MOXD1: variants seen among roughly 807,000 people sequenced by gnomAD.
MOXD1 encodes monooxygenase DBH like 1.
In MOXD1, 62 loss-of-function variants were observed where a neutral mutation model predicts 66.6. The observed-to-expected ratio is 0.93, with a 90% CI of 0.76 to 1.15. The LOEUF is 1.15. Ranked by LOEUF, MOXD1 falls within the 50% of genes most tolerant of loss-of-function variation. The pLI, the probability that MOXD1 is intolerant of heterozygous loss-of-function variation, is 0.00. For missense variants in MOXD1, 847 were observed against 754.6 expected (o/e 1.12, Z -1.44); for synonymous variants, 303 against 281.9 (o/e 1.07, Z -0.75).
At chr6:132,400,669 T>C (rs966823935) in intron 1 of MOXD1, among the ~76,000 whole-genome samples, 1 of 152,082 alleles carries the variant, frequency 6.6e-6, no homozygotes, top group Non-Finnish European at 1.5e-5. Flanking sequence ...GAGAATGGTG[T>C]AGCTGACATC....
chr6:132,327,020 G>T lies in MOXD1; in HGVS notation c.946+993C>A, dbSNP rs573419351. 5.3e-5 allele frequency among the ~76,000 whole-genome samples: 8 copies of T among 152,198 alleles called. No individual in the cohort carries two copies. The South Asian group carries it at 1.5e-3, about 28-fold the overall frequency. On this transcript the variant is annotated intron_variant, in intron 6 of 11. Transcript: ENST00000367963. ...TCTTCAGGGTAAAAATCCTTAATGG[G>T]TCCTACAAGATCTTAGATGGTCTGC... is the stretch of plus-strand genomic sequence containing the variant.
At chr6:132,321,450 A>G (rs1582569106) in intron 8 of MOXD1, among the ~76,000 whole-genome samples, 1 of 152,154 alleles carries the variant, frequency 6.6e-6, no homozygotes, top group African/African-American at 2.4e-5. Context: ...CTTACAATAG[A>G]ATCGTGAGGC....
chr6:132,305,393 G>T (rs1047740541), intron 10 of MOXD1, among the ~76,000 whole-genome samples: 2 of 152,232 alleles, frequency 1.3e-5, no homozygotes, highest in Non-Finnish European at 1.5e-5. Flanking sequence ...TAAGGGGAGG[G>T]GTGGCTGCAG....
rs117307197 is a variant in MOXD1 at position 132,393,563 on chromosome 6, C to T, written c.264+7600G>A. On this transcript the variant is annotated intron_variant, in intron 1 of 11. Coordinates refer to ENST00000367963, the MANE Select transcript of MOXD1 (RefSeq NM_015529.4). ...TCTACAATGCTAGCCATAGGAGAGC[C>T]CCTGGACTCTCATGGGCCCTGAGAC... Among the ~76,000 whole-genome samples, 67 of 152,226 alleles carry T rather than the reference C, an allele frequency of 4.4e-4. No homozygotes were observed. In the East Asian group the frequency reaches 0.012, roughly 28 times the overall value.
intron 6 of MOXD1, chr6:132,324,954 AAC>A (rs34463342): frequency 0.032 from 4,391 of 139,002 alleles, 142 homozygotes; most frequent in African/African-American, 0.1. Flanking sequence ...TTCACTCACA[AAC>A]ACACACACAC....
At chr6:132,384,280 TCCTTCCTTCCTC>T (rs1163975315) in intron 1 of MOXD1, among the ~76,000 whole-genome samples, 5 of 111,956 alleles carry the variant, frequency 4.5e-5, no homozygotes, top group Admixed American at 1.9e-4. Flanking sequence ...CTTCCTTCCT[TCCTTCCTTCCTC>T]CTTCCTTCCT....
At chr6:132,332,861 T>C (rs971186915) in intron 4 of MOXD1, among the ~76,000 whole-genome samples, 3 of 152,192 alleles carry the variant, frequency 2.0e-5, no homozygotes, top group African/African-American at 7.2e-5. Flanking sequence ...CAAGGCACCA[T>C]CTGAGGAAGC....
chr6:132,372,828 A>T lies in MOXD1; in HGVS notation c.579+2T>A, dbSNP rs779661658. ...ACAATCATAAAACCTGAAAACACTTACGTCCTGATTTACCAGATCAAAGTA... is the reference window on the plus strand; with the variant it reads ...ACAATCATAAAACCTGAAAACACTTTCGTCCTGATTTACCAGATCAAAGTA... On this transcript the variant is annotated splice_donor_variant, in intron 3 of 11. Transcript: ENST00000367963. LOFTEE classifies it high-confidence loss of function. The T allele has an allele frequency of 6.2e-7, 1 of 1,613,654 alleles. No individual in the cohort carries two copies. The highest frequency in any genetic ancestry group is 1.7e-5 in the Admixed American group (1 of 60,014).
chr6:132,374,580 A>G (rs773260410), intron 2 of MOXD1, 51 bp downstream of exon 2: 1 of 1,542,776 alleles, frequency 6.5e-7, no homozygotes, highest in South Asian at 1.2e-5. Context: ...GTGCTTCACA[A>G]GTGTAAATAT....
intron 9 of MOXD1, among the ~76,000 whole-genome samples, chr6:132,318,821 C>T (rs912471325): frequency 4.6e-5 from 7 of 152,170 alleles, no homozygotes; most frequent in Non-Finnish European, 1.0e-4. Context: ...TTTAATACAT[C>T]TGGCATTGAT....
intron 1 of MOXD1, among the ~76,000 whole-genome samples, chr6:132,375,569 G>A (rs1476993597): frequency 1.3e-5 from 2 of 152,102 alleles, no homozygotes; most frequent in Admixed American, 1.3e-4. Context: ...GGGACCACAG[G>A]TGCCCACCGC....
chr6:132,303,833 G>GTATATA (rs1562276379), intron 10 of MOXD1, among the ~76,000 whole-genome samples: 1 of 59,982 alleles, frequency 1.7e-5, no homozygotes, highest in Non-Finnish European at 3.4e-5. Flanking sequence ...GTGTGTGTGT[G>GTATATA]TGTATATATA....
At chr6:132,359,343 G>A (rs553177841) in intron 4 of MOXD1, among the ~76,000 whole-genome samples, 7 of 152,014 alleles carry the variant, frequency 4.6e-5, no homozygotes, top group South Asian at 2.1e-4. Context: ...CAAGATGCTG[G>A]GATGACAGGT....
intron 4 of MOXD1, among the ~76,000 whole-genome samples, chr6:132,366,717 T>C (rs182203106): frequency 2.6e-5 from 4 of 152,230 alleles, no homozygotes; most frequent in African/African-American, 9.6e-5. Flanking sequence ...TTCAGAAACG[T>C]GTTAATGATA....
chr6:132,365,152 G>T (rs1776093965), intron 4 of MOXD1, among the ~76,000 whole-genome samples: 1 of 152,072 alleles, frequency 6.6e-6, no homozygotes, highest in African/African-American at 2.4e-5. Context: ...AAATAAGAAA[G>T]TCTATGAGCC....
intron 4 of MOXD1, among the ~76,000 whole-genome samples, chr6:132,331,543 CA>C (rs1421201467): frequency 6.6e-6 from 1 of 152,080 alleles, no homozygotes; most frequent in African/African-American, 2.4e-5. Flanking sequence ...CACCAAACTG[CA>C]AAGCTACCAA....
chr6:132,302,570 G>T (rs968270352), intron 10 of MOXD1, among the ~76,000 whole-genome samples: 6 of 152,044 alleles, frequency 3.9e-5, no homozygotes, highest in Non-Finnish European at 8.8e-5. Context: ...CAGTAAATAA[G>T]TGAAGAGGCA....
intron 1 of MOXD1, among the ~76,000 whole-genome samples, chr6:132,394,418 G>C (rs1414838323): frequency 6.6e-6 from 1 of 151,908 alleles, no homozygotes; most frequent in Non-Finnish European, 1.5e-5. Context: ...AAGGAAATAT[G>C]GTATCTCCAA....
intron 4 of MOXD1, among the ~76,000 whole-genome samples, chr6:132,331,678 T>C (rs573207146): frequency 6.6e-6 from 1 of 152,302 alleles, no homozygotes; most frequent in East Asian, 1.9e-4. Flanking sequence ...GATGTTATAA[T>C]CCTTATCTTA....
Sources: gnomAD v4.1 joint callset for allele counts (sites outside exome capture counted in the v4.1 genomes callset) on GRCh38, gnomAD v4.1.1 for gene constraint, MANE v1.5 for transcripts, NCBI Gene and HGNC (gene_info 2026-07-23, HGNC 2026-07-21) for gene names.